The following SLCO1B3 variants were observed in gnomAD, a reference collection of about 807,000 sequenced individuals.
SLCO1B3 encodes the protein liver-specific organic anion transporter 2.
SLCO1B3 carries 72 observed loss-of-function variants against 71.8 expected under a neutral mutation model. The observed-to-expected ratio is 1.00, with a 90% CI of 0.83 to 1.22. The LOEUF (loss-of-function observed/expected upper bound fraction) is 1.22, where lower values mean the gene tolerates loss of function less well. Among genes scored for constraint, SLCO1B3 ranks in the 50% most tolerant of loss-of-function variants. SLCO1B3 has a pLI of 0.00. For missense variants in SLCO1B3, 911 were observed against 819.7 expected, an observed-to-expected ratio of 1.11 and a Z score of -1.36; for synonymous variants, 298 against 278.4, an observed-to-expected ratio of 1.07 and a Z score of -0.70.
At chr12:20,845,524 T>C (rs913133880) in intron 3 of SLCO1B3, among the ~76,000 whole-genome samples, 2 of 152,154 alleles carry the variant, frequency 1.3e-5, no homozygotes, top group African/African-American at 4.8e-5. Flanking sequence ...GTTTGTTCTT[T>C]TGTGTTAAAT....
At chr12:20,829,910 A>G (rs1864504592) in intron 3 of SLCO1B3, among the ~76,000 whole-genome samples, 1 of 152,148 alleles carries the variant, frequency 6.6e-6, no homozygotes, top group African/African-American at 2.4e-5. Context: ...GAGGATGACC[A>G]GAAGTCACTC....
intron 15 of SLCO1B3, among the ~76,000 whole-genome samples, chr12:20,907,447 CCCTT>C (rs1460977903): frequency 1.5e-5 from 2 of 132,448 alleles, no homozygotes; most frequent in African/African-American, 5.4e-5. Flanking sequence ...CCTTCCCTTC[CCCTT>C]CCTTCCCCTC....
At chr12:20,905,975 A>G (rs1866236904) in intron 15 of SLCO1B3, among the ~76,000 whole-genome samples, 1 of 152,186 alleles carries the variant, frequency 6.6e-6, no homozygotes, top group South Asian at 2.1e-4. Flanking sequence ...TCTTCTCATT[A>G]CAACAGGAGA....
chr12:20,909,672 C>G (rs1032482891), intron 15 of SLCO1B3, among the ~76,000 whole-genome samples: 3 of 151,936 alleles, frequency 2.0e-5, no homozygotes, highest in African/African-American at 7.3e-5. Flanking sequence ...TCATCTTATC[C>G]TTTTGACAGT....
chr12:20,840,879 G>T (rs1046162345), intron 3 of SLCO1B3, among the ~76,000 whole-genome samples: 2 of 152,030 alleles, frequency 1.3e-5, no homozygotes, highest in Non-Finnish European at 2.9e-5. Context: ...AAAACAAAGT[G>T]CTCTGGCCTA....
chr12:20,835,815 C>A (rs532504085), intron 3 of SLCO1B3, among the ~76,000 whole-genome samples: 113 of 152,262 alleles, frequency 7.4e-4, no homozygotes, highest in African/African-American at 2.6e-3. Context: ...AACTTCTGCC[C>A]ATTACCCAGT....
At chr12:20,846,325 A>G (rs1014633463) in intron 3 of SLCO1B3, among the ~76,000 whole-genome samples, 4 of 152,154 alleles carry the variant, frequency 2.6e-5, no homozygotes, top group Non-Finnish European at 5.9e-5. Flanking sequence ...ACATGTGGAT[A>G]ATTTTGAACA....
intron 3 of SLCO1B3, among the ~76,000 whole-genome samples, chr12:20,851,287 A>G (rs1018652242): frequency 6.6e-5 from 10 of 152,188 alleles, no homozygotes; most frequent in African/African-American, 2.4e-5. Flanking sequence ...CATTTCAAAC[A>G]ACAAACACAG....
In SLCO1B3 at chr12:20,810,766, T is replaced by G. The variant is rs1864097376; in HGVS notation, c.-181+2T>G. The stretch of plus-strand genomic sequence containing the variant: ...GTTGCTGTAGCATTCAAAGTCAAGG[T>G]AAGAACCGTCGAGGTTGTCTAATTA... On this transcript the variant is annotated splice_donor_variant, in intron 1 of 15. Coordinates refer to ENST00000381545, the MANE Select transcript of SLCO1B3 (RefSeq NM_019844.4). LOFTEE classifies it low-confidence loss of function (5UTR_SPLICE). The G allele has an allele frequency of 1.3e-5, 2 of 152,186 alleles. No individual in the cohort carries two copies. The highest frequency in any genetic ancestry group is 4.8e-5 in the African/African-American group (2 of 41,442). The allele number at this position is 152,186 out of a possible 1,614,324, so 9.4% of individuals were successfully genotyped here.
chr12:20,841,579 A>C (rs1864802657), intron 3 of SLCO1B3, among the ~76,000 whole-genome samples: 1 of 151,932 alleles, frequency 6.6e-6, no homozygotes, highest in Non-Finnish European at 1.5e-5. Context: ...TTTTCTTTTC[A>C]ACTTTTATTT....
At chr12:20,869,051 A>G (rs1865426963) in intron 8 of SLCO1B3, among the ~76,000 whole-genome samples, 1 of 152,102 alleles carries the variant, frequency 6.6e-6, no homozygotes. Context: ...CATCACAGGG[A>G]GATGGTTAGG....
At chr12:20,878,837 TATC>T (rs1436385941) in intron 10 of SLCO1B3, among the ~76,000 whole-genome samples, 1 of 152,136 alleles carries the variant, frequency 6.6e-6, no homozygotes, top group African/African-American at 2.4e-5. Context: ...TAGACATTTT[TATC>T]ATATCATGGT....
intron 3 of SLCO1B3, among the ~76,000 whole-genome samples, chr12:20,843,010 C>T (rs779756307): frequency 6.6e-6 from 1 of 152,100 alleles, no homozygotes; most frequent in Non-Finnish European, 1.5e-5. Flanking sequence ...ACTTTTCAAC[C>T]TCTGGAACTG....
At chr12:20,885,531 T>C (rs910550779) in intron 13 of SLCO1B3, among the ~76,000 whole-genome samples, 27 of 150,002 alleles carry the variant, frequency 1.8e-4, no homozygotes, top group Non-Finnish European at 3.0e-4. Context: ...TAAATCAGAG[T>C]CAGAAAATAG....
intron 3 of SLCO1B3, among the ~76,000 whole-genome samples, chr12:20,854,667 C>T (rs146616601): frequency 9.2e-5 from 14 of 152,320 alleles, no homozygotes; most frequent in African/African-American, 3.4e-4. Flanking sequence ...CTGCCATTCC[C>T]CTCCCAGTTA....
In SLCO1B3 at chr12:20,839,350, C is replaced by T. The variant is rs552036007; in HGVS notation, c.85-15678C>T. Among the ~76,000 whole-genome samples, 30 of 152,150 alleles carry T rather than the reference C, an allele frequency of 2.0e-4. 1 individual carries two copies. Among genetic ancestry groups the T allele is most frequent in the South Asian group, 1.9e-3 (9 of 4,828 alleles). On this transcript the variant is annotated intron_variant, in intron 3 of 15. Transcript: ENST00000381545. Reference sequence around the variant, plus strand: ...TTAACATCTTGCAAGGCAACTCTGACGAGAAATTCCTTTAATTTTTGTTTA... The same window carrying T: ...TTAACATCTTGCAAGGCAACTCTGATGAGAAATTCCTTTAATTTTTGTTTA...
intron 3 of SLCO1B3, among the ~76,000 whole-genome samples, chr12:20,854,296 T>C (rs1262721921): frequency 9.3e-6 from 1 of 107,556 alleles, no homozygotes; most frequent in African/African-American, 2.8e-5. Flanking sequence ...ATGCAGGATA[T>C]TGAAGTATCA....
rs1865108382 is a variant in SLCO1B3, at chr12:20,855,173, A to G, written c.226+4A>G. On this transcript the variant is annotated splice_donor_region_variant and intron_variant, in intron 4 of 15. Transcript: ENST00000381545. ...ATTGATGGAAGCTTTGAAATTGGTA[A>G]CTTTTATTTTTTCTATTTGATAACC... 2 of 1,603,544 alleles carry G rather than the reference A, an allele frequency of 1.2e-6. No homozygotes were observed. The highest frequency in any genetic ancestry group is 4.5e-5 in the East Asian group (2 of 44,758).
chr12:20,910,103 T>G (rs905826137), intron 15 of SLCO1B3, among the ~76,000 whole-genome samples: 2 of 152,224 alleles, frequency 1.3e-5, no homozygotes, highest in African/African-American at 4.8e-5. Context: ...TAGTTTTGCA[T>G]TTTACGTTTT....
Sources: gnomAD v4.1 joint callset for allele counts (sites outside exome capture counted in the v4.1 genomes callset) on GRCh38, gnomAD v4.1.1 for gene constraint, MANE v1.5 for transcripts, NCBI Gene and HGNC (gene_info 2026-07-23, HGNC 2026-07-21) for gene names.